SLC24A3: variants seen among roughly 807,000 people sequenced by gnomAD.
SLC24A3 encodes the protein sodium/potassium/calcium exchanger 3.
SLC24A3 carries 28 observed loss-of-function variants against 75.8 expected under a neutral mutation model. That is an observed-to-expected ratio of 0.37 (90% CI 0.27 to 0.51). The LOEUF (loss-of-function observed/expected upper bound fraction) is 0.51. Ranked by LOEUF, SLC24A3 falls within the 20% of genes least tolerant of loss-of-function variation. The pLI, the probability that SLC24A3 is intolerant of heterozygous loss-of-function variation, is 0.94. For synonymous variants in SLC24A3, 372 were observed against 334.1 expected, an observed-to-expected ratio of 1.11 and a Z score of -1.24; for missense variants, 663 against 847.8, an observed-to-expected ratio of 0.78 and a Z score of 2.71.
rs186747353 is a variant in SLC24A3 at position 19,568,500 on chromosome 20, G to A, written c.349-11500G>A. Among the ~76,000 whole-genome samples the A allele has an allele frequency of 3.3e-5, 5 of 152,274 alleles. No individual in the cohort carries two copies. In the East Asian group the frequency reaches 7.7e-4, roughly 23 times the overall value. ...GAATATATTATGCTAAGTGAAATAA[G>A]CCTGTCCCAAAAGAGGAAATATCAT... On this transcript the variant is annotated intron_variant, in intron 3 of 16. Transcript: ENST00000328041.
chr20:19,487,121 T>A (rs1042193160), intron 2 of SLC24A3, among the ~76,000 whole-genome samples: 1 of 152,240 alleles, frequency 6.6e-6, no homozygotes, highest in African/African-American at 2.4e-5. Flanking sequence ...TAGGTGAATG[T>A]GGAGTGTCAG....
chr20:19,404,797 G>T (rs1986613384), intron 2 of SLC24A3, among the ~76,000 whole-genome samples: 1 of 151,888 alleles, frequency 6.6e-6, no homozygotes, highest in African/African-American at 2.4e-5. Flanking sequence ...GGACTGAAGG[G>T]GCTCTTCCCC....
intron 3 of SLC24A3, among the ~76,000 whole-genome samples, chr20:19,571,398 G>A (rs73113928): frequency 6.6e-6 from 1 of 152,226 alleles, no homozygotes; most frequent in Non-Finnish European, 1.5e-5. Context: ...CAGTAACACA[G>A]GAGTCAATAT....
At chr20:19,553,836 G>A (rs751879906) in intron 3 of SLC24A3, among the ~76,000 whole-genome samples, 12 of 152,140 alleles carry the variant, frequency 7.9e-5, no homozygotes, top group African/African-American at 1.2e-4. Flanking sequence ...AAAAAAAGAC[G>A]GAGCGTATAA....
intron 3 of SLC24A3, among the ~76,000 whole-genome samples, chr20:19,530,972 T>A (rs1433140872): frequency 6.6e-6 from 1 of 152,048 alleles, no homozygotes; most frequent in Non-Finnish European, 1.5e-5. Flanking sequence ...TAGGACTCTA[T>A]CATAAATAAG....
intron 2 of SLC24A3, among the ~76,000 whole-genome samples, chr20:19,415,293 C>T (rs1044444339): frequency 6.6e-6 from 1 of 152,234 alleles, no homozygotes; most frequent in Non-Finnish European, 1.5e-5. Context: ...CTCAGGGCTG[C>T]ACCTTTTCAT....
At chr20:19,363,498 A>G (rs951575433) in intron 2 of SLC24A3, among the ~76,000 whole-genome samples, 2 of 152,212 alleles carry the variant, frequency 1.3e-5, no homozygotes, top group African/African-American at 4.8e-5. Flanking sequence ...TTGGAAAATC[A>G]TGTCAGCTGT....
intron 2 of SLC24A3, among the ~76,000 whole-genome samples, chr20:19,473,438 G>T (rs1330504243): frequency 6.6e-6 from 1 of 152,254 alleles, no homozygotes; most frequent in Admixed American, 6.5e-5. Context: ...CAGTAGTGGT[G>T]GTGGCGGTGG....
At chr20:19,288,986 T>A (rs1600413201) in intron 2 of SLC24A3, among the ~76,000 whole-genome samples, 1 of 152,118 alleles carries the variant, frequency 6.6e-6, no homozygotes, top group Non-Finnish European at 1.5e-5. Flanking sequence ...TTTACAGAAA[T>A]GTTTGCTGCT....
chr20:19,405,117 C>T (rs1384069169), intron 2 of SLC24A3, among the ~76,000 whole-genome samples: 1 of 152,016 alleles, frequency 6.6e-6, no homozygotes, highest in African/African-American at 2.4e-5. Flanking sequence ...TTTCAGCTGC[C>T]CCCGCCCCAA....
Position 19,464,375 on chromosome 20 carries a change from G to A in SLC24A3, c.272-51113G>A, listed in dbSNP as rs527532500. ...TAATGCATTCATACCACACACATACGTGCGCACACGTGTGTACACACACAC... is the reference window on the plus strand; with the variant it reads ...TAATGCATTCATACCACACACATACATGCGCACACGTGTGTACACACACAC... On this transcript the variant is annotated intron_variant, in intron 2 of 16. Transcript: ENST00000328041. Among the ~76,000 whole-genome samples the A allele has an allele frequency of 2.3e-4, 32 of 139,686 alleles. 1 individual carries two copies. The highest frequency in any genetic ancestry group is 1.9e-3 in the East Asian group (9 of 4,686). The allele number at this position is 139,686 out of a possible 152,430, so 91.6% of individuals were successfully genotyped here. A position where few individuals can be genotyped will look rare whatever the true frequency, so the allele number is the denominator to read the frequency against.
chr20:19,650,643 C>T lies in SLC24A3; in HGVS notation c.613-3419C>T, dbSNP rs1406970. 5.3e-5 allele frequency among the ~76,000 whole-genome samples: 8 copies of T among 151,646 alleles called. No individual in the cohort carries two copies. In the East Asian group the frequency reaches 1.5e-3, roughly 29 times the overall value. On this transcript the variant is annotated intron_variant, in intron 6 of 16. Transcript: ENST00000328041. ...AGGGTTTACGTCTCTTTTAGCCCCCCCTTCTCACTACCCAGCCCCCATCTT... is the reference window on the plus strand; with the variant it reads ...AGGGTTTACGTCTCTTTTAGCCCCCTCTTCTCACTACCCAGCCCCCATCTT...
At position 19,685,101 on chromosome 20, in the gene SLC24A3, G is replaced by A. The variant is rs2032658509; in HGVS notation, c.1064G>A (p.Arg355Lys). 2.5e-6 allele frequency: 4 copies of A among 1,601,856 alleles called. No individual in the cohort carries two copies. In the South Asian group the frequency reaches 3.3e-5, roughly 13 times the overall value. ...AAGAGTGCGCCTTTCTCTTTCCAGA[G>A]ACAAAGATTGATAAACAGCAGGGCT... Reference protein sequence around the residue: ...SMASRMLINERQRLINSRAYT... With the variant: ...SMASRMLINEKQRLINSRAYT... The change falls in exon 12 of 17, where the codon AGA becomes AAA. Residue 355 changes from arginine to lysine, a missense_variant and splice_region_variant. By Grantham distance (26) the Arg-to-Lys change is conservative. Transcript: ENST00000328041.
intron 2 of SLC24A3, among the ~76,000 whole-genome samples, chr20:19,342,883 A>T (rs1985300648): frequency 6.6e-6 from 1 of 151,998 alleles, no homozygotes; most frequent in Non-Finnish European, 1.5e-5. Flanking sequence ...ATCCTGGCTA[A>T]CATGGTGAAA....
chr20:19,467,880 C>CAAA (rs58937169), intron 2 of SLC24A3, among the ~76,000 whole-genome samples: 3 of 104,512 alleles, frequency 2.9e-5, no homozygotes, highest in African/African-American at 3.0e-5. Flanking sequence ...GACCCTGTCT[C>CAAA]AAAAAAAAAA....
chr20:19,217,220 A>T (rs936426714), intron 1 of SLC24A3, among the ~76,000 whole-genome samples: 2 of 152,254 alleles, frequency 1.3e-5, no homozygotes, highest in Non-Finnish European at 2.9e-5. Flanking sequence ...GTTAGATGTC[A>T]GCCCACGTTG....
At chr20:19,550,588 A>G (rs1011957429) in intron 3 of SLC24A3, among the ~76,000 whole-genome samples, 1 of 152,228 alleles carries the variant, frequency 6.6e-6, no homozygotes, top group Non-Finnish European at 1.5e-5. Context: ...GTGCATGTGT[A>G]CAAGGAAAAT....
intron 1 of SLC24A3, among the ~76,000 whole-genome samples, chr20:19,249,784 G>C (rs759581316): frequency 8.5e-5 from 13 of 152,168 alleles, no homozygotes; most frequent in Non-Finnish European, 1.5e-4. Context: ...TTAATTGCAT[G>C]ATGATTTGCG....
intron 2 of SLC24A3, among the ~76,000 whole-genome samples, chr20:19,350,470 A>G (rs1172475472): frequency 1.3e-5 from 2 of 152,232 alleles, no homozygotes; most frequent in East Asian, 3.8e-4. Context: ...ATGCACATAC[A>G]CATGGTATCA....
Sources: gnomAD v4.1 joint callset for allele counts (sites outside exome capture counted in the v4.1 genomes callset) on GRCh38, gnomAD v4.1.1 for gene constraint, MANE v1.5 for transcripts, NCBI Gene and HGNC (gene_info 2026-07-23, HGNC 2026-07-21) for gene names.